Variants in AGAP9 observed in about 807,000 individuals in gnomAD.
The protein encoded by AGAP9 is ArfGAP with GTPase domain, ankyrin repeat and PH domain 9.
AGAP9 carries 23 observed loss-of-function variants against 55.6 expected under a neutral mutation model. That is an observed-to-expected ratio of 0.41 (90% CI 0.30 to 0.59). The LOEUF (loss-of-function observed/expected upper bound fraction) is 0.59. AGAP9 is among the 20% of genes least tolerant of loss of function. The pLI is 0.25. For synonymous variants in AGAP9, 120 were observed against 305.0 expected (o/e 0.39, Z 6.32); for missense variants, 309 against 808.1 (o/e 0.38, Z 7.49).
rs1426801918 is a variant in AGAP9, at chr10:47,501,954, G to C, written c.*198C>G. ...CATTTTGTGTATTTACTTAGTTTACGAAAAGTACTGAAAATGCTATTACTA... is the reference window on the plus strand; with the variant it reads ...CATTTTGTGTATTTACTTAGTTTACCAAAAGTACTGAAAATGCTATTACTA... On this transcript the variant is annotated 3_prime_UTR_variant, in exon 8 of 8. Transcript: ENST00000452145. The C allele has an allele frequency of 6.0e-6, 7 of 1,168,530 alleles. No homozygotes were observed. Among genetic ancestry groups the C allele is most frequent in the Admixed American group, 5.0e-5 (2 of 39,910 alleles). The allele number at this position is 1,168,530 out of a possible 1,614,324, so 72.4% of individuals were successfully genotyped here.
intron 5 of AGAP9, 37 bp downstream of exon 5, chr10:47,510,134 A>G (rs1840574193): frequency 2.5e-6 from 3 of 1,180,302 alleles, no homozygotes; most frequent in African/African-American, 3.5e-5. Context: ...ATTTCCGAAT[A>G]AAGGAATCTG....
intron 4 of AGAP9, among the ~76,000 whole-genome samples, chr10:47,513,501 T>A (rs1840671716): frequency 7.0e-6 from 1 of 142,074 alleles, no homozygotes; most frequent in Non-Finnish European, 1.5e-5. Flanking sequence ...CCCATCAAAA[T>A]ACCACCATCC....
chr10:47,506,844 T>G (rs1190538712), intron 6 of AGAP9, among the ~76,000 whole-genome samples: 1 of 137,422 alleles, frequency 7.3e-6, no homozygotes, highest in Non-Finnish European at 1.6e-5. Context: ...TTTCGCCGTG[T>G]TAGCCAGGAT....
rs1405628161 is a variant in AGAP9 at position 47,505,477 on chromosome 10, G to T, written c.534-1237C>A. ...CTCTAATATTCTGAATAAGTGGAAA[G>T]TTAATGAGAAGTGCTTTTTTTTTGT... On this transcript the variant is annotated intron_variant, in intron 6 of 7. Coordinates refer to ENST00000452145, the MANE Select transcript of AGAP9 (RefSeq NM_001190810.1). 1.4e-5 allele frequency among the ~76,000 whole-genome samples: 2 copies of T among 139,062 alleles called. 1 individual carries two copies. The allele number at this position is 139,062 out of a possible 152,430, so 91.2% of individuals were successfully genotyped here.
chr10:47,511,155 G>A (rs1212291917), intron 4 of AGAP9, among the ~76,000 whole-genome samples: 1 of 134,258 alleles, frequency 7.4e-6, no homozygotes, highest in African/African-American at 3.0e-5. Context: ...GTGTTAGCCA[G>A]GATGGTCTCG....
At chr10:47,503,923 G>T (rs2132472982) in intron 7 of AGAP9, among the ~76,000 whole-genome samples, 1 of 42,580 alleles carries the variant, frequency 2.3e-5, no homozygotes. Context: ...CTGGGCTACA[G>T]AAAGAGAGTC....
rs1360004541 is a variant in AGAP9 at position 47,516,528 on chromosome 10, G to A, written c.396+1295C>T. On this transcript the variant is annotated intron_variant, in intron 4 of 7. Coordinates refer to ENST00000452145, the MANE Select transcript of AGAP9 (RefSeq NM_001190810.1). ...AATGTGTTCAAGTACAACTAGAGAC[G>A]ATAACAGGACAGAAGGAAACACAGA... is the stretch of plus-strand genomic sequence containing the variant. 1.0e-4 allele frequency among the ~76,000 whole-genome samples: 14 copies of A among 135,268 alleles called. 4 individuals are homozygous for A. Among genetic ancestry groups the A allele is most frequent in the East Asian group, 6.2e-4 (2 of 3,246 alleles). The allele number at this position is 135,268 out of a possible 152,430, so 88.7% of individuals were successfully genotyped here. A position where few individuals can be genotyped will look rare whatever the true frequency, so the allele number is the denominator to read the frequency against.
chr10:47,519,541 T>A (rs1194839418), intron 3 of AGAP9, among the ~76,000 whole-genome samples: 1 of 100,738 alleles, frequency 9.9e-6, no homozygotes, highest in African/African-American at 4.0e-5. Context: ...ACCACCTGCT[T>A]CCCCTTTGCC....
intron 7 of AGAP9, among the ~76,000 whole-genome samples, 168 bp from the exon 8 acceptor site, chr10:47,503,711 G>C (rs1226186547): frequency 7.9e-6 from 1 of 126,750 alleles, no homozygotes; most frequent in African/African-American, 3.4e-5. Flanking sequence ...GGATCACGAG[G>C]TCAGGAGTTC....
intron 4 of AGAP9, among the ~76,000 whole-genome samples, chr10:47,515,654 A>G (rs1346952517): frequency 7.5e-6 from 1 of 133,074 alleles, no homozygotes; most frequent in Admixed American, 7.8e-5. Flanking sequence ...CCTGAGATAT[A>G]AAGAAAACTG....
rs1491142701 is a variant in AGAP9 at position 47,516,708 on chromosome 10, C to CA, written c.396+1114dup. ...CAAAAGGCCAAAGAAAGTTGCCCCC[C>CA]ACACACACATAAAAAGGAACAGATG... On this transcript the variant is annotated intron_variant, in intron 4 of 7. Coordinates refer to ENST00000452145, the MANE Select transcript of AGAP9 (RefSeq NM_001190810.1). Among the ~76,000 whole-genome samples, 4 of 133,636 alleles carry CA rather than the reference C, an allele frequency of 3.0e-5. 1 individual carries two copies. The highest frequency in any genetic ancestry group is 6.2e-5 in the Non-Finnish European group (4 of 64,468). 87.7% of individuals were successfully genotyped at this position (133,636 alleles called of 152,430 possible).
chr10:47,513,699 A>C (rs1173809391), intron 4 of AGAP9, among the ~76,000 whole-genome samples: 1 of 140,336 alleles, frequency 7.1e-6, no homozygotes, highest in African/African-American at 2.6e-5. Flanking sequence ...ACATACACCA[A>C]TGGAATAGAA....
intron 3 of AGAP9, among the ~76,000 whole-genome samples, chr10:47,519,239 G>A (rs1184562093): frequency 0.014 from 1,829 of 127,842 alleles, 254 homozygotes; most frequent in African/African-American, 0.054. Context: ...AGGCTGAAGC[G>A]GGTAGATCAC....
At chr10:47,522,006 C>G (rs1356177897) in intron 2 of AGAP9, among the ~76,000 whole-genome samples, 5 of 150,644 alleles carry the variant, frequency 3.3e-5, no homozygotes, top group African/African-American at 1.2e-4. Context: ...AGGCTGGTCT[C>G]GAACTCCTGA....
intron 3 of AGAP9, among the ~76,000 whole-genome samples, chr10:47,519,160 A>G (rs1207465760): frequency 7.3e-6 from 1 of 136,850 alleles, no homozygotes; most frequent in Non-Finnish European, 1.5e-5. Flanking sequence ...AATTCTCATT[A>G]TGGTAATTTA....
chr10:47,521,259 A>C (rs1448825158), intron 2 of AGAP9, among the ~76,000 whole-genome samples: 1 of 136,254 alleles, frequency 7.3e-6, no homozygotes, highest in Non-Finnish European at 1.5e-5. Context: ...CCATCTACTA[A>C]CTGGTGTGTA....
chr10:47,502,296 G>A lies in AGAP9; in HGVS notation c.1833C>T (p.Ser611=). ...QTAILLLAHG[S]REEVNETCGE... is the part of the protein sequence containing the mutation. The stretch of plus-strand genomic sequence containing the variant: ...CACAGGTCTCGTTCACCTCCTCACG[G>A]GAGCCATGTGCCAGCAGCAGGATGG... Residue 611 remains serine, a synonymous_variant, in exon 8 of 8, where the codon TCC becomes TCT. Transcript: ENST00000452145. 1 of 1,601,658 alleles carries A rather than the reference G, an allele frequency of 6.2e-7. No homozygotes were observed. Among genetic ancestry groups the A allele is most frequent in the Admixed American group, 1.7e-5 (1 of 58,902 alleles).
rs1451545346 is a variant in AGAP9, at chr10:47,507,583, A to T, written c.498T>A (p.Ser166=). Residue 166 remains serine, a splice_region_variant and synonymous_variant, in exon 6 of 8, where the codon TCT becomes TCA. Coordinates refer to ENST00000452145, the MANE Select transcript of AGAP9 (RefSeq NM_001190810.1). ...TATGATGAGGTATCTCCAAGGTCAC[A>T]CTGTGGAAGGAAAACAAATTCATAA... ...IQHYLTMTII[S]VTLEIPHHIT... is the part of the protein sequence containing the mutation. 1 of 1,530,432 alleles carries T rather than the reference A, an allele frequency of 6.5e-7. No individual in the cohort carries two copies. Among genetic ancestry groups the T allele is most frequent in the Non-Finnish European group, 8.8e-7 (1 of 1,141,262 alleles). 94.8% of individuals were successfully genotyped at this position (1,530,432 alleles called of 1,614,324 possible). A position where few individuals can be genotyped will look rare whatever the true frequency, so the allele number is the denominator to read the frequency against.
chr10:47,507,632 G>T lies in AGAP9; in HGVS notation c.498-49C>A. On this transcript the variant is annotated intron_variant, in intron 5 of 7. Transcript: ENST00000452145. Reference sequence around the variant, plus strand: ...AACAATAGATGTTATCATTTGTTAGGCCTGCAGACATTTTTTAAAAGGGGG... The same window carrying T: ...AACAATAGATGTTATCATTTGTTAGTCCTGCAGACATTTTTTAAAAGGGGG... 4 of 1,527,798 alleles carry T rather than the reference G, an allele frequency of 2.6e-6. 1 individual carries two copies. Among genetic ancestry groups the T allele is most frequent in the Non-Finnish European group, 3.5e-6 (4 of 1,140,678 alleles). 94.6% of individuals were successfully genotyped at this position (1,527,798 alleles called of 1,614,324 possible). A position where few individuals can be genotyped will look rare whatever the true frequency, so the allele number is the denominator to read the frequency against.
Sources: gnomAD v4.1 joint callset for allele counts (sites outside exome capture counted in the v4.1 genomes callset) on GRCh38, gnomAD v4.1.1 for gene constraint, MANE v1.5 for transcripts, NCBI Gene and HGNC (gene_info 2026-07-23, HGNC 2026-07-21) for gene names.